TMEM135: variants seen among roughly 807,000 people sequenced by gnomAD.
TMEM135 encodes the protein transmembrane protein 135.
Under a neutral mutation model 60.3 loss-of-function variants are expected in TMEM135, and 30 were observed. The ratio of observed to expected loss-of-function variants is 0.50; its 90% confidence interval spans 0.37 to 0.68. The LOEUF (loss-of-function observed/expected upper bound fraction) is 0.68, where lower values mean the gene tolerates loss of function less well. Among genes scored for constraint, TMEM135 ranks in the 30% least tolerant of loss-of-function variants. The probability of loss-of-function intolerance (pLI) is 0.00; values close to 1 mark genes in which losing one functional copy is unlikely to be tolerated. For synonymous variants in TMEM135, 190 were observed against 186.7 expected (o/e 1.02, Z -0.14); for missense variants, 468 against 548.8 (o/e 0.85, Z 1.47).
At chr11:87,234,867 A>G (rs1015458159) in intron 5 of TMEM135, among the ~76,000 whole-genome samples, 7 of 151,366 alleles carry the variant, frequency 4.6e-5, no homozygotes, top group Admixed American at 2.0e-4. Flanking sequence ...GCATATTAGG[A>G]TAGAACCTGG....
Position 87,321,687 on chromosome 11 carries a change from C to T in TMEM135, c.*354C>T, listed in dbSNP as rs891948508. 14 of 470,932 alleles carry T rather than the reference C, an allele frequency of 3.0e-5. No individual in the cohort carries two copies. The East Asian group carries it at 5.2e-4, about 18-fold the overall frequency. 29.2% of individuals were successfully genotyped at this position (470,932 alleles called of 1,614,324 possible). A position where few individuals can be genotyped will look rare whatever the true frequency, so the allele number is the denominator to read the frequency against. ...TTTAAAAGATGTCTTTAGTTCATTC[C>T]AATATAATTCTTGATTAAAATTAGG... On this transcript the variant is annotated 3_prime_UTR_variant, in exon 15 of 15. Transcript: ENST00000305494.
chr11:87,105,736 G>A (rs1315752809), intron 4 of TMEM135, among the ~76,000 whole-genome samples: 2 of 152,136 alleles, frequency 1.3e-5, no homozygotes, highest in African/African-American at 4.8e-5. Flanking sequence ...ATTTCTTTGT[G>A]TTGAGAACAT....
intron 6 of TMEM135, among the ~76,000 whole-genome samples, chr11:87,290,154 C>G (rs956008539): frequency 2.8e-5 from 2 of 72,424 alleles, no homozygotes; most frequent in Admixed American, 1.5e-4. Flanking sequence ...ATAAAAAAAT[C>G]TTAGAAATCA....
At chr11:87,113,893 A>C (rs1053207916) in intron 4 of TMEM135, among the ~76,000 whole-genome samples, 10 of 152,100 alleles carry the variant, frequency 6.6e-5, no homozygotes, top group African/African-American at 9.7e-5. Context: ...TGTTGTGAAA[A>C]ATAATACATA....
chr11:87,053,810 C>T (rs780622393), intron 1 of TMEM135, among the ~76,000 whole-genome samples: 3 of 151,984 alleles, frequency 2.0e-5, no homozygotes, highest in African/African-American at 4.8e-5. Flanking sequence ...CTCTGTTGAC[C>T]GCAGGTTAAA....
chr11:87,074,058 TGG>T (rs1856824250), intron 3 of TMEM135, among the ~76,000 whole-genome samples: 2 of 152,208 alleles, frequency 1.3e-5, no homozygotes, highest in South Asian at 4.1e-4. Context: ...CTCTGCCTCC[TGG>T]GTTCAAACGG....
intron 6 of TMEM135, among the ~76,000 whole-genome samples, chr11:87,269,297 T>TA (rs1554982715): frequency 2.2e-5 from 3 of 136,978 alleles, no homozygotes; most frequent in African/African-American, 5.3e-5. Context: ...TTTTTTTTTT[T>TA]ATGAGGAAGC....
At chr11:87,084,771 G>A (rs1857061466) in intron 3 of TMEM135, among the ~76,000 whole-genome samples, 1 of 152,204 alleles carries the variant, frequency 6.6e-6, no homozygotes, top group Non-Finnish European at 1.5e-5. Flanking sequence ...TATCTGCTGA[G>A]CTTTCCCAGC....
In TMEM135 at chr11:87,327,818, T is replaced by TG. The variant is rs1243280721; in HGVS notation, c.*6489dup. On this transcript the variant is annotated 3_prime_UTR_variant, in exon 15 of 15. Transcript: ENST00000305494. ...CCTGGAGTCCCAAGGTTAGAGGATC[T>TG]GGGGTCCTAATGTCCATGGGCAGTT... 6.6e-6 allele frequency: 3 copies of TG among 454,058 alleles called. No individual in the cohort carries two copies. Among genetic ancestry groups the TG allele is most frequent in the Non-Finnish European group, 1.3e-5 (3 of 226,782 alleles). 28.1% of individuals were successfully genotyped at this position (454,058 alleles called of 1,614,324 possible). A position where few individuals can be genotyped will look rare whatever the true frequency, so the allele number is the denominator to read the frequency against.
intron 6 of TMEM135, among the ~76,000 whole-genome samples, chr11:87,252,418 C>G (rs1208930942): frequency 6.6e-6 from 1 of 152,136 alleles, no homozygotes; most frequent in Non-Finnish European, 1.5e-5. Flanking sequence ...ATAGAAAAAT[C>G]TAATGCTCGT....
intron 6 of TMEM135, chr11:87,259,257 G>T (rs1941594649): frequency 2.3e-6 from 1 of 430,004 alleles, no homozygotes; most frequent in Non-Finnish European, 4.4e-6. Flanking sequence ...TGCGACAGCG[G>T]CCATGGCTGT....
In TMEM135 at chr11:87,165,766, C is replaced by T. The variant is rs192166685; in HGVS notation, c.462+8360C>T. 2.9e-3 allele frequency among the ~76,000 whole-genome samples: 436 copies of T among 150,494 alleles called. 12 individuals are homozygous for T. Among genetic ancestry groups the T allele is most frequent in the Admixed American group, 0.025 (375 of 15,096 alleles). On this transcript the variant is annotated intron_variant, in intron 5 of 14. Transcript: ENST00000305494. ...AGAGCAGAACTGAAGGAAATAGAGA[C>T]ACAAAAAACCCTTCAAAAAGTAAAT...
intron 3 of TMEM135, among the ~76,000 whole-genome samples, chr11:87,073,144 C>T (rs1230090859): frequency 2.0e-5 from 3 of 152,188 alleles, no homozygotes; most frequent in African/African-American, 7.2e-5. Context: ...AAGCAATTCT[C>T]TTGCTTCAGC....
intron 4 of TMEM135, among the ~76,000 whole-genome samples, chr11:87,148,610 T>C (rs1416563318): frequency 6.6e-6 from 1 of 152,122 alleles, no homozygotes; most frequent in Non-Finnish European, 1.5e-5. Context: ...CCCCTTTTGC[T>C]CCTCAAATAT....
chr11:87,097,721 T>G (rs2512328), intron 4 of TMEM135, among the ~76,000 whole-genome samples: 61,373 of 151,880 alleles, frequency 0.4, 13,501 homozygotes, highest in East Asian at 0.65. Flanking sequence ...ACAAGCATGC[T>G]TTCTCTTCAG....
rs905349473 is a variant in TMEM135, at chr11:87,176,344, T to G, written c.462+18938T>G. On this transcript the variant is annotated intron_variant, in intron 5 of 14. Transcript: ENST00000305494. ...GCCTTCTGTCATGAAGAGAAGCAGCTTGAGGCCCTTACCATATGCATATGC... is the reference window on the plus strand; with the variant it reads ...GCCTTCTGTCATGAAGAGAAGCAGCGTGAGGCCCTTACCATATGCATATGC... Among the ~76,000 whole-genome samples the G allele has an allele frequency of 2.9e-4, 44 of 152,142 alleles. 1 individual carries two copies. The highest frequency in any genetic ancestry group is 1.0e-3 in the African/African-American group (43 of 41,430).
chr11:87,189,782 G>A (rs1032330434), intron 5 of TMEM135, among the ~76,000 whole-genome samples: 4 of 126,060 alleles, frequency 3.2e-5, no homozygotes, highest in Non-Finnish European at 7.2e-5. Flanking sequence ...AAAATTGACC[G>A]GGCATGTGCC....
chr11:87,238,287 A>G (rs1941051116), intron 6 of TMEM135, among the ~76,000 whole-genome samples: 1 of 152,052 alleles, frequency 6.6e-6, no homozygotes, highest in African/African-American at 2.4e-5. Context: ...TTTATAAAGC[A>G]CAATTATATA....
intron 5 of TMEM135, among the ~76,000 whole-genome samples, chr11:87,227,572 T>G (rs914538256): frequency 6.6e-6 from 1 of 152,112 alleles, no homozygotes; most frequent in Non-Finnish European, 1.5e-5. Context: ...AAAAATGGAC[T>G]GTATATTATG....
Sources: gnomAD v4.1 joint callset for allele counts (sites outside exome capture counted in the v4.1 genomes callset) on GRCh38, gnomAD v4.1.1 for gene constraint, MANE v1.5 for transcripts, NCBI Gene and HGNC (gene_info 2026-07-23, HGNC 2026-07-21) for gene names.